Variants in NBPF12 observed in about 807,000 individuals in gnomAD.
NBPF12 encodes NBPF member 12.
NBPF12 carries 115 observed loss-of-function variants against 146.4 expected under a neutral mutation model. The ratio of observed to expected loss-of-function variants is 0.79; its 90% confidence interval spans 0.68 to 0.92. The LOEUF is 0.92. NBPF12 is among the 40% of genes least tolerant of loss of function. NBPF12 has a pLI of 0.00. For missense variants in NBPF12, 1,205 were observed against 1,326.8 expected (o/e 0.91, Z 1.43); for synonymous variants, 385 against 508.9 (o/e 0.76, Z 3.28).
chr1:146,952,856 T>A (rs1414040461), intron 2 of NBPF12, among the ~76,000 whole-genome samples: 4 of 151,502 alleles, frequency 2.6e-5, no homozygotes, highest in African/African-American at 4.9e-5. Context: ...GCACTGAGTA[T>A]CTGGCAATAG....
chr1:146,981,361 A>G (rs1337098076), intron 19 of NBPF12, among the ~76,000 whole-genome samples: 2 of 148,994 alleles, frequency 1.3e-5, no homozygotes, highest in Non-Finnish European at 3.0e-5. Context: ...TATGGAAAAA[A>G]AAAGAATGTT....
chr1:146,965,310 G>C (rs1158582542), intron 8 of NBPF12, among the ~76,000 whole-genome samples: 9 of 151,372 alleles, frequency 5.9e-5, no homozygotes, highest in African/African-American at 2.0e-4. Context: ...GACCAGCCTG[G>C]AGTATATGGT....
chr1:146,992,476 G>T (rs1292111978), intron 31 of NBPF12, among the ~76,000 whole-genome samples: 365 of 116,376 alleles, frequency 3.1e-3, no homozygotes, highest in South Asian at 4.2e-3. Flanking sequence ...GTGTGTGTGT[G>T]TGTGTGTGTG....
At chr1:146,946,962 G>C (rs879183700), upstream of NBPF12, among the ~76,000 whole-genome samples, 1,488 of 151,478 alleles carry the variant, frequency 9.8e-3, 11 homozygotes, top group African/African-American at 0.017. Flanking sequence ...TGTCTCTAAA[G>C]CTCCATGGAA....
In NBPF12 at chr1:146,956,283, T is replaced by C. The variant is rs1206205964; in HGVS notation, c.-183-3576T>C. Among the ~76,000 whole-genome samples the C allele has an allele frequency of 7.4e-4, 113 of 152,082 alleles. 2 individuals carry two copies. The highest frequency in any genetic ancestry group is 2.7e-3 in the African/African-American group (113 of 41,428). On this transcript the variant is annotated intron_variant, in intron 2 of 33. Transcript: ENST00000617844. ...CAAAAGAACACAGGTATCATTTCAT[T>C]TGTAGAAAATGGTTAAAAATGCAAA... is the stretch of plus-strand genomic sequence containing the variant.
exon 20 of NBPF12, chr1:146,982,970 C>T: frequency 6.2e-7 from 1 of 1,609,154 alleles, no homozygotes; most frequent in Middle Eastern, 2.2e-4. Flanking sequence ...CCCAGGAGTC[C>T]TGGGATGAAG....
upstream of NBPF12, among the ~76,000 whole-genome samples, chr1:146,944,954 TCCTC>T (rs1305308996): frequency 2.8e-5 from 1 of 35,422 alleles, no homozygotes; most frequent in Non-Finnish European, 5.1e-5. Context: ...CTTCTTTTCT[TCCTC>T]CCTCCCTTCC....
intron 7 of NBPF12, among the ~76,000 whole-genome samples, 162 bp downstream of exon 10, chr1:146,964,591 G>A (rs1656071588): frequency 1.3e-5 from 2 of 151,900 alleles, no homozygotes; most frequent in Admixed American, 6.6e-5. Flanking sequence ...CAGCTGTCAT[G>A]TTTCTCTATG....
upstream of NBPF12, among the ~76,000 whole-genome samples, chr1:146,945,655 C>A (rs1168670559): frequency 4.0e-5 from 6 of 150,948 alleles, no homozygotes; most frequent in East Asian, 1.2e-3. Flanking sequence ...TAGAACAGTT[C>A]TAGGTTTACA....
intron 9 of NBPF12, among the ~76,000 whole-genome samples, chr1:146,966,874 G>T (rs1294741905): frequency 1.3e-5 from 2 of 149,986 alleles, no homozygotes; most frequent in Non-Finnish European, 2.9e-5. Flanking sequence ...TTGCAATCAG[G>T]TGGGGGTGGG....
exon 8 of NBPF12, chr1:146,964,992 G>C (rs1656097124): frequency 5.6e-6 from 9 of 1,607,458 alleles, no homozygotes; most frequent in Non-Finnish European, 5.9e-6. Flanking sequence ...ACTCCATCCA[G>C]CCTCACAAGA....
At chr1:146,955,009 T>TAC (rs1376445333) in intron 2 of NBPF12, among the ~76,000 whole-genome samples, 3 of 77,916 alleles carry the variant, frequency 3.9e-5, no homozygotes, top group East Asian at 5.1e-4. Context: ...TATATATATA[T>TAC]ATATACACAC....
At chr1:146,970,189 C>T (rs1443147457) in intron 11 of NBPF12, among the ~76,000 whole-genome samples, 1,935 of 150,558 alleles carry the variant, frequency 0.013, 107 homozygotes, top group African/African-American at 0.046. Flanking sequence ...GATAGAATGT[C>T]CCTGAATAAC....
At chr1:146,972,808 T>G (rs1553886780) in exon 14 of NBPF12, 10 of 1,359,876 alleles carry the variant, frequency 7.4e-6, no homozygotes, top group South Asian at 3.5e-5. Context: ...GCCGGCCCTT[T>G]GTCCAGCGAG....
Position 146,964,342 on chromosome 1 carries a change from A to G in NBPF12, c.494-15A>G, listed in dbSNP as rs1553885233. On this transcript the variant is annotated splice_polypyrimidine_tract_variant and intron_variant, in intron 6 of 33. Transcript: ENST00000617844. ...TGAAGTGGGACATATCTGAATGAAC[A>G]TTTTGTATTTATAGAAAATGATGAA... 4.6e-4 allele frequency: 738 copies of G among 1,602,772 alleles called. 7 individuals are homozygous for G. The East Asian group carries it at 0.013, about 28-fold the overall frequency.
At chr1:146,970,530 A>T in intron 11 of NBPF12, 117 bp from the exon 15 acceptor site, 2 of 1,336,206 alleles carry the variant, frequency 1.5e-6, no homozygotes, top group Non-Finnish European at 1.1e-6. Flanking sequence ...AAAACATGAG[A>T]GTTTTCAGTA....
At chr1:146,941,132 G>T (rs1654784707) in intron 1 of NBPF12, among the ~76,000 whole-genome samples, 1 of 151,504 alleles carries the variant, frequency 6.6e-6, no homozygotes, top group African/African-American at 2.4e-5. Flanking sequence ...TGCCCAGGCT[G>T]GAGTGCAGTG....
At chr1:146,969,649 C>T in intron 11 of NBPF12, 53 bp downstream of exon 14, 1 of 1,543,724 alleles carries the variant, frequency 6.5e-7, no homozygotes, top group East Asian at 2.3e-5. Context: ...ATGAGAGGCT[C>T]CAGACCTCCA....
intron 19 of NBPF12, among the ~76,000 whole-genome samples, chr1:146,982,560 G>A (rs1657461298): frequency 6.6e-6 from 1 of 151,982 alleles, no homozygotes; most frequent in Non-Finnish European, 1.5e-5. Context: ...TCTGCATTGG[G>A]TCAAGAACTC....
Sources: gnomAD v4.1 joint callset for allele counts (sites outside exome capture counted in the v4.1 genomes callset) on GRCh38, gnomAD v4.1.1 for gene constraint, MANE v1.5 for transcripts, NCBI Gene and HGNC (gene_info 2026-07-23, HGNC 2026-07-21) for gene names.